Variants in LRRC37A2 observed in about 807,000 individuals in gnomAD.
LRRC37A2 encodes the protein leucine-rich repeat-containing protein 37A2.
In LRRC37A2, 9 loss-of-function variants were observed where a neutral mutation model predicts 68.8. The ratio of observed to expected loss-of-function variants is 0.13; its 90% CI spans 0.08 to 0.23. The LOEUF (loss-of-function observed/expected upper bound fraction) is 0.23, where lower values mean the gene tolerates loss of function less well. LRRC37A2 is among the 10% of genes least tolerant of loss of function. The pLI, the probability that LRRC37A2 is intolerant of heterozygous loss-of-function variation, is 1.00. For missense variants in LRRC37A2, 168 were observed against 950.4 expected (o/e 0.18, Z 10.82); for synonymous variants, 63 against 367.6 (o/e 0.17, Z 9.48).
At chr17:46,549,312 A>G in exon 10 of LRRC37A2, 3 of 1,607,968 alleles carry the variant, frequency 1.9e-6, no homozygotes, top group Non-Finnish European at 2.5e-6. Flanking sequence ...CAAAACACAC[A>G]ACTGCAAGAA....
At chr17:46,936,845 C>G in the LRRC37A2 span, 4 of 984,034 alleles carry the variant, frequency 4.1e-6, no homozygotes, top group South Asian at 9.4e-5. Flanking sequence ...TGTAATTTCT[C>G]TGGCTGAGGC....
the LRRC37A2 span, among the ~76,000 whole-genome samples, chr17:47,013,322 C>T: frequency 6.6e-6 from 1 of 152,206 alleles, no homozygotes. Context: ...TTGAATTGTA[C>T]ACGTTAATGG....
At chr17:46,873,589 T>C in the LRRC37A2 span, among the ~76,000 whole-genome samples, 3 of 152,326 alleles carry the variant, frequency 2.0e-5, no homozygotes, top group African/African-American at 7.2e-5. Flanking sequence ...CTGGGCGCAG[T>C]GGCTTGTGCC....
the LRRC37A2 span, chr17:46,876,766 C>T: frequency 4.8e-5 from 72 of 1,495,074 alleles, no homozygotes; most frequent in Middle Eastern, 4.2e-4. Context: ...CCTCCTGTGG[C>T]ACCCTTCAAG....
the LRRC37A2 span, among the ~76,000 whole-genome samples, chr17:46,724,865 C>G: frequency 1.2e-4 from 18 of 152,120 alleles, no homozygotes; most frequent in African/African-American, 4.1e-4. Context: ...AGATGGCTTC[C>G]TCTGTCATGG....
the LRRC37A2 span, among the ~76,000 whole-genome samples, chr17:46,995,053 G>T: frequency 6.6e-6 from 1 of 152,188 alleles, no homozygotes; most frequent in African/African-American, 2.4e-5. Context: ...AGCCTGGGAG[G>T]TAGAGGTTGC....
At chr17:46,969,210 A>G in the LRRC37A2 span, among the ~76,000 whole-genome samples, 10 of 152,246 alleles carry the variant, frequency 6.6e-5, no homozygotes, top group African/African-American at 2.2e-4. Context: ...GAGCCTTCTT[A>G]TGGTCCAAAG....
chr17:46,978,870 G>C, the LRRC37A2 span: 1 of 1,567,120 alleles, frequency 6.4e-7, no homozygotes, highest in Non-Finnish European at 8.6e-7. Context: ...CGTCGCTGGC[G>C]GCCAGCGGTG....
the LRRC37A2 span, among the ~76,000 whole-genome samples, chr17:46,839,439 C>A: frequency 7.2e-5 from 11 of 152,348 alleles, no homozygotes; most frequent in Non-Finnish European, 1.3e-4. Flanking sequence ...ATGGTAGCTG[C>A]CACTGGGCCC....
the LRRC37A2 span, among the ~76,000 whole-genome samples, chr17:46,867,735 G>A: frequency 2.2e-3 from 333 of 152,326 alleles, 1 homozygote; most frequent in Middle Eastern, 6.8e-3. Context: ...AGGTGGGGAA[G>A]GAGGTTCCAG....
the LRRC37A2 span, chr17:46,885,638 A>G: frequency 6.6e-6 from 1 of 152,332 alleles, no homozygotes; most frequent in Non-Finnish European, 1.5e-5. Flanking sequence ...AGTGACAGCC[A>G]TCTGTCAATA....
the LRRC37A2 span, among the ~76,000 whole-genome samples, chr17:46,771,831 G>C: frequency 4.9e-5 from 7 of 141,904 alleles, no homozygotes; most frequent in South Asian, 8.4e-4. Flanking sequence ...CCGCGCGGTG[G>C]GGGGGCGGTG....
At chr17:46,499,343 G>GGA in the LRRC37A2 span, among the ~76,000 whole-genome samples, 1 of 137,686 alleles carries the variant, frequency 7.3e-6, no homozygotes, top group Non-Finnish European at 1.6e-5. Flanking sequence ...AAAGGTGGGG[G>GGA]GACAATGTTA....
chr17:46,661,329 C>T, the LRRC37A2 span, among the ~76,000 whole-genome samples: 1 of 151,182 alleles, frequency 6.6e-6, no homozygotes, highest in East Asian at 2.0e-4. Context: ...GGATCTTAGC[C>T]ATCTAGTGCA....
At chr17:46,817,577 A>T in the LRRC37A2 span, among the ~76,000 whole-genome samples, 1 of 152,022 alleles carries the variant, frequency 6.6e-6, no homozygotes, top group African/African-American at 2.4e-5. Flanking sequence ...GGACTCCTGG[A>T]GCTGGGGCTC....
the LRRC37A2 span, among the ~76,000 whole-genome samples, chr17:46,489,735 G>A: frequency 6.7e-5 from 10 of 149,256 alleles, no homozygotes; most frequent in East Asian, 1.8e-3. Context: ...CAATCCGCCC[G>A]CCTGGGCCTC....
At chr17:46,818,466 C>G in the LRRC37A2 span, 1 of 1,556,648 alleles carries the variant, frequency 6.4e-7, no homozygotes, top group South Asian at 1.2e-5. Context: ...CCCCACCTTC[C>G]CCGGACGCGG....
the LRRC37A2 span, among the ~76,000 whole-genome samples, chr17:46,890,768 G>A: frequency 1.3e-5 from 2 of 152,280 alleles, no homozygotes; most frequent in Middle Eastern, 6.8e-3. Flanking sequence ...GGTCCCTCAG[G>A]AGCCCTGGGC....
At chr17:46,575,750 C>T in the LRRC37A2 span, among the ~76,000 whole-genome samples, 4 of 30,938 alleles carry the variant, frequency 1.3e-4, no homozygotes, top group East Asian at 8.0e-4. Flanking sequence ...GAAACCATGG[C>T]GGGAGGATCG....
Sources: allele counts gnomAD v4.1 joint callset (sites outside exome capture counted in the v4.1 genomes callset), GRCh38; gene constraint gnomAD v4.1.1; transcripts MANE v1.5; gene names NCBI Gene and HGNC (gene_info 2026-07-23, HGNC 2026-07-21).